The following ABCA9 variants were observed in gnomAD, a reference collection of about 807,000 sequenced individuals.
The protein encoded by ABCA9 is ATP binding cassette subfamily A member 9, also known as ATP-binding cassette sub-family A member 9.
ABCA9 carries 183 observed loss-of-function variants against 205.3 expected under a neutral mutation model. The ratio of observed to expected loss-of-function variants is 0.89; its 90% CI spans 0.79 to 1.01. ABCA9 has a LOEUF of 1.01. ABCA9 is among the 50% of genes least tolerant of loss of function. The pLI, the probability that ABCA9 is intolerant of heterozygous loss-of-function variation, is 0.00. For missense variants in ABCA9, 1,805 were observed against 1,912.4 expected (o/e 0.94, Z 1.05); for synonymous variants, 651 against 683.3 (o/e 0.95, Z 0.74).
chr17:69,068,453 A>G, the ABCA9 span, among the ~76,000 whole-genome samples: 2 of 152,240 alleles, frequency 1.3e-5, no homozygotes, highest in Non-Finnish European at 2.9e-5. Context: ...AATAAATAAA[A>G]TGGTTAAATA....
chr17:68,986,250 CCACAG>C lies in ABCA9; in HGVS notation c.4117_4121del (p.Leu1373AlafsTer72), dbSNP rs1319047359. ...GGTGCTGCCTCACTGTCAGGTTGGG[CCACAG>C]CGCATTCTCCTGAGGGCAGTACCCC... On this transcript the variant is annotated frameshift_variant, in exon 32 of 39. Coordinates refer to ENST00000340001, the MANE Select transcript of ABCA9 (RefSeq NM_080283.4). LOFTEE classifies it high-confidence loss of function. 1.2e-6 allele frequency: 2 copies of C among 1,614,080 alleles called. No homozygotes were observed. Among genetic ancestry groups the C allele is most frequent in the Non-Finnish European group, 1.7e-6 (2 of 1,179,968 alleles).
chr17:69,067,833 A>G, the ABCA9 span, among the ~76,000 whole-genome samples: 2 of 152,208 alleles, frequency 1.3e-5, no homozygotes, highest in Non-Finnish European at 2.9e-5. Flanking sequence ...GTTTGAAAGA[A>G]CTAAACATTG....
Position 69,033,754 on chromosome 17 carries a change from C to T in ABCA9, c.1248G>A (p.Leu416=). ...LVFDTLLYLV[L]TLYFDKILPA... ...GCAAAATTTTGTCAAAATATAATGT[C>T]AATACCAAATACAGAAGGGTGTCAA... The change falls in exon 9 of 39, where the codon TTG becomes TTA. Residue 416 remains leucine (L), a synonymous_variant. Transcript: ENST00000340001. 1 of 1,610,202 alleles carries T rather than the reference C, an allele frequency of 6.2e-7. No homozygotes were observed. Among genetic ancestry groups the T allele is most frequent in the East Asian group, 2.2e-5 (1 of 44,682 alleles).
At chr17:69,018,645 AG>A (rs1350168744) in intron 19 of ABCA9, 66 bp from the exon 20 acceptor site, 7 of 1,193,508 alleles carry the variant, frequency 5.9e-6, no homozygotes, top group Non-Finnish European at 8.3e-6. Context: ...TTAAGTTTGA[AG>A]GTATAATGAA....
chr17:68,978,096 G>C (rs2068939017), intron 37 of ABCA9, among the ~76,000 whole-genome samples: 1 of 152,158 alleles, frequency 6.6e-6, no homozygotes, highest in Non-Finnish European at 1.5e-5. Flanking sequence ...TATTGTGTGG[G>C]AGTCTAAGTC....
chr17:68,993,191 C>T (rs570598542), intron 26 of ABCA9, 107 bp from the exon 27 acceptor site: 28 of 838,544 alleles, frequency 3.3e-5, no homozygotes, highest in South Asian at 3.2e-5. Context: ...TACAACCATT[C>T]GACCTGATGC....
chr17:69,041,729 T>TTATCTATCTATC (rs4020779), intron 6 of ABCA9, among the ~76,000 whole-genome samples: 82,472 of 149,122 alleles, frequency 0.55, 23,113 homozygotes, highest in East Asian at 0.64. Context: ...AAGAAAGAAA[T>TTATCTATCTATC]TATCTATCTA....
chr17:69,067,381 A>G, the ABCA9 span, among the ~76,000 whole-genome samples: 1 of 151,906 alleles, frequency 6.6e-6, no homozygotes, highest in Non-Finnish European at 1.5e-5. Flanking sequence ...CCCTGTCTCT[A>G]CAAAAAATAC....
intron 25 of ABCA9, among the ~76,000 whole-genome samples, chr17:69,005,429 C>A (rs1334412429): frequency 2.0e-5 from 3 of 152,212 alleles, no homozygotes; most frequent in Admixed American, 2.0e-4. Flanking sequence ...AGCATCCCAC[C>A]TCTCCAGGTG....
At chr17:69,067,471 C>T in the ABCA9 span, among the ~76,000 whole-genome samples, 3 of 151,096 alleles carry the variant, frequency 2.0e-5, no homozygotes, top group Non-Finnish European at 4.4e-5. Flanking sequence ...TCACTTGAGC[C>T]CTTGAGCCTG....
chr17:69,057,951 T>C (rs2072119839), intron 1 of ABCA9, among the ~76,000 whole-genome samples: 1 of 152,196 alleles, frequency 6.6e-6, no homozygotes. Context: ...CAGGAGAATA[T>C]ACATAGGTTA....
intron 28 of ABCA9, 109 bp from the exon 29 acceptor site, chr17:68,991,066 A>G: frequency 8.3e-7 from 1 of 1,200,514 alleles, no homozygotes; most frequent in Non-Finnish European, 1.2e-6. Context: ...CATTCAGAGC[A>G]CAACATCCTC....
chr17:68,990,939 G>A lies in ABCA9; in HGVS notation c.3735C>T (p.Asn1245=), dbSNP rs762471788. 5.0e-5 allele frequency: 81 copies of A among 1,610,194 alleles called. No individual in the cohort carries two copies. Among genetic ancestry groups the A allele is most frequent in the African/African-American group, 3.2e-4 (24 of 74,582 alleles). ...GCTCTTCTGGGTTTGGAAAAATAGC[G>A]TTGCTTCTTGGAGAAATTCTGAAAT... ...DPVFRISPRS[N]AIFPNPEEPE... The change falls in exon 29 of 39, where the codon AAC becomes AAT. Residue 1245 remains asparagine, a synonymous_variant. Coordinates refer to ENST00000340001, the MANE Select transcript of ABCA9 (RefSeq NM_080283.4).
Position 69,031,302 on chromosome 17 carries a change from TG to T in ABCA9, c.1445+805del, listed in dbSNP as rs1343256905. Among the ~76,000 whole-genome samples the T allele has an allele frequency of 7.9e-5, 12 of 152,340 alleles. No individual in the cohort carries two copies. The South Asian group carries it at 2.3e-3, about 29-fold the overall frequency. ...AACTTAGAGTTCCAGCTTAGAAAGA[TG>T]TCATGATTCTTGAAAAGATTGCTAT... is the stretch of plus-strand genomic sequence containing the variant. On this transcript the variant is annotated intron_variant, in intron 10 of 38. Coordinates refer to ENST00000340001, the MANE Select transcript of ABCA9 (RefSeq NM_080283.4).
Position 68,989,743 on chromosome 17 carries a change from A to C in ABCA9, c.3955+70T>G, listed in dbSNP as rs2069382530. ...TCAATAGATGTCCCCAGATTCAGAT[A>C]CTCTTATTCCCTGAATAATCCAGTC... On this transcript the variant is annotated intron_variant, in intron 30 of 38. Coordinates refer to ENST00000340001, the MANE Select transcript of ABCA9 (RefSeq NM_080283.4). The C allele has an allele frequency of 6.1e-5, 56 of 921,320 alleles. No homozygotes were observed. The South Asian group carries it at 9.0e-4, about 15-fold the overall frequency. The allele number at this position is 921,320 out of a possible 1,614,324, so 57.1% of individuals were successfully genotyped here.
chr17:69,017,837 A>G lies in ABCA9; in HGVS notation c.2768-48T>C, dbSNP rs762864799. ...GGAAGCAAAAATGAAATAAAACAAT[A>G]GTCAAGTAATATTAAAAATACATTA... On this transcript the variant is annotated intron_variant, in intron 20 of 38. Coordinates refer to ENST00000340001, the MANE Select transcript of ABCA9 (RefSeq NM_080283.4). The G allele has an allele frequency of 3.8e-6, 6 of 1,578,150 alleles. No individual in the cohort carries two copies. In the South Asian group the frequency reaches 6.7e-5, roughly 18 times the overall value.
chr17:69,024,095 G>A (rs2070906379), intron 17 of ABCA9, 119 bp downstream of exon 17: 1 of 1,093,346 alleles, frequency 9.1e-7, no homozygotes, highest in African/African-American at 1.6e-5. Context: ...AATATTAAAT[G>A]AGTAAACGCA....
chr17:68,998,194 G>T (rs1314699713), intron 25 of ABCA9, among the ~76,000 whole-genome samples: 1 of 152,140 alleles, frequency 6.6e-6, no homozygotes, highest in Non-Finnish European at 1.5e-5. Flanking sequence ...TGGACATCTT[G>T]GTTGCTTCCA....
intron 9 of ABCA9, chr17:69,033,061 C>A (rs2071206792): frequency 1.3e-5 from 2 of 152,038 alleles, no homozygotes; most frequent in South Asian, 4.2e-4. Context: ...GTAATTCCAG[C>A]AGTTTGGGAG....
Sources: allele counts gnomAD v4.1 joint callset (sites outside exome capture counted in the v4.1 genomes callset), GRCh38; gene constraint gnomAD v4.1.1; transcripts MANE v1.5; gene names NCBI Gene and HGNC (gene_info 2026-07-23, HGNC 2026-07-21).